The following SLC24A2 variants were observed in gnomAD, a reference collection of about 807,000 sequenced individuals.
SLC24A2 encodes the protein solute carrier family 24 member 2.
A neutral mutation model predicts 62.0 loss-of-function variants in SLC24A2; 36 were observed. The observed-to-expected ratio is 0.58, with a 90% CI of 0.44 to 0.77. The LOEUF is 0.77. SLC24A2 is among the 30% of genes least tolerant of loss of function. SLC24A2 has a pLI of 0.00. For synonymous variants in SLC24A2, 358 were observed against 294.0 expected (o/e 1.22, Z -2.23); for missense variants, 846 against 817.9 (o/e 1.03, Z -0.42).
At chr9:19,784,961 C>A (rs1479932095) in intron 2 of SLC24A2, among the ~76,000 whole-genome samples, 1 of 151,094 alleles carries the variant, frequency 6.6e-6, no homozygotes, top group African/African-American at 2.4e-5. Flanking sequence ...TCACCCCCTG[C>A]TCAAATATCT....
chr9:20,192,872 T>C, the SLC24A2 span, among the ~76,000 whole-genome samples: 4 of 152,174 alleles, frequency 2.6e-5, no homozygotes, highest in Admixed American at 2.0e-4. Context: ...CCTCATTCTA[T>C]CTTCATTTAA....
chr9:19,860,230 T>A, the SLC24A2 span, among the ~76,000 whole-genome samples: 5 of 152,094 alleles, frequency 3.3e-5, no homozygotes, highest in African/African-American at 7.2e-5. Flanking sequence ...TGGGGAGGAC[T>A]TTATTTTACA....
At chr9:20,236,904 T>C in the SLC24A2 span, among the ~76,000 whole-genome samples, 1 of 151,956 alleles carries the variant, frequency 6.6e-6, no homozygotes, top group Admixed American at 6.5e-5. Context: ...TGCCTACTTG[T>C]TTGGTCCTGC....
At chr9:20,209,461 A>T in the SLC24A2 span, among the ~76,000 whole-genome samples, 6 of 152,194 alleles carry the variant, frequency 3.9e-5, no homozygotes, top group African/African-American at 1.4e-4. Flanking sequence ...TCTGAAACAC[A>T]GTGCTAAACA....
the SLC24A2 span, among the ~76,000 whole-genome samples, chr9:20,236,470 G>A: frequency 6.6e-6 from 1 of 152,126 alleles, no homozygotes; most frequent in East Asian, 1.9e-4. Context: ...ATTTGTATTG[G>A]CTAGAAGCTG....
intron 2 of SLC24A2, among the ~76,000 whole-genome samples, chr9:19,702,625 T>G (rs898623114): frequency 6.6e-6 from 1 of 152,214 alleles, no homozygotes; most frequent in Non-Finnish European, 1.5e-5. Flanking sequence ...TGTCTGCGTC[T>G]TGCATTATAG....
the SLC24A2 span, among the ~76,000 whole-genome samples, chr9:19,984,423 A>T: frequency 6.6e-6 from 1 of 152,136 alleles, no homozygotes; most frequent in Non-Finnish European, 1.5e-5. Context: ...AAATAAACCC[A>T]GGCCAGGCAC....
chr9:19,840,539 G>A, the SLC24A2 span, among the ~76,000 whole-genome samples: 1 of 152,028 alleles, frequency 6.6e-6, no homozygotes, highest in Non-Finnish European at 1.5e-5. Context: ...TTTTCTTCTG[G>A]TTTAATGAAC....
the SLC24A2 span, among the ~76,000 whole-genome samples, chr9:19,832,159 C>T: frequency 6.6e-6 from 1 of 152,158 alleles, no homozygotes; most frequent in Non-Finnish European, 1.5e-5. Flanking sequence ...AATCTAATTG[C>T]CTCAGAAAGA....
chr9:19,820,334 G>A, the SLC24A2 span, among the ~76,000 whole-genome samples: 1 of 150,366 alleles, frequency 6.7e-6, no homozygotes, highest in African/African-American at 2.4e-5. Context: ...ATGGTGTAGT[G>A]TATACTGCTC....
chr9:19,988,345 C>T, the SLC24A2 span, among the ~76,000 whole-genome samples: 1 of 152,140 alleles, frequency 6.6e-6, no homozygotes, highest in Non-Finnish European at 1.5e-5. Flanking sequence ...AATATTGATT[C>T]CCTCTAGACC....
chr9:20,195,854 TTTAAC>T, the SLC24A2 span, among the ~76,000 whole-genome samples: 4 of 152,012 alleles, frequency 2.6e-5, no homozygotes, highest in Admixed American at 2.6e-4. Context: ...AAAAAAATTT[TTTAAC>T]TTAATTCATA....
At chr9:19,693,217 C>T (rs1005126727) in intron 2 of SLC24A2, among the ~76,000 whole-genome samples, 1 of 151,970 alleles carries the variant, frequency 6.6e-6, no homozygotes. Context: ...ATAAATCATG[C>T]TGCTATAAAG....
chr9:19,719,514 G>A (rs1353172653), intron 2 of SLC24A2, among the ~76,000 whole-genome samples: 1 of 152,188 alleles, frequency 6.6e-6, no homozygotes, highest in Non-Finnish European at 1.5e-5. Context: ...AGAAATGAGA[G>A]GAACTGGACT....
At chr9:19,831,047 CA>C in the SLC24A2 span, among the ~76,000 whole-genome samples, 2 of 152,124 alleles carry the variant, frequency 1.3e-5, no homozygotes, top group Non-Finnish European at 2.9e-5. Context: ...AAAGGAAAGG[CA>C]AAAGAATGCC....
chr9:19,744,839 C>G (rs551279447), intron 2 of SLC24A2, among the ~76,000 whole-genome samples: 18 of 152,314 alleles, frequency 1.2e-4, no homozygotes, highest in African/African-American at 4.1e-4. Context: ...TCCCAAACAT[C>G]TAAGCCTGTA....
the SLC24A2 span, among the ~76,000 whole-genome samples, chr9:20,078,163 C>A: frequency 3.9e-5 from 6 of 152,244 alleles, no homozygotes; most frequent in African/African-American, 1.4e-4. Context: ...AGCACCAACG[C>A]AGAGAATTCC....
the SLC24A2 span, among the ~76,000 whole-genome samples, chr9:19,886,462 A>G: frequency 6.6e-6 from 1 of 151,604 alleles, no homozygotes; most frequent in Non-Finnish European, 1.5e-5. Flanking sequence ...AAAAAGCTCA[A>G]CACCGCTGAT....
At chr9:19,600,278 C>T (rs1392722677) in intron 4 of SLC24A2, among the ~76,000 whole-genome samples, 4 of 152,180 alleles carry the variant, frequency 2.6e-5, no homozygotes, top group Admixed American at 2.0e-4. Flanking sequence ...GTGGAGCCCA[C>T]GTTACTGAGA....
Sources: gnomAD v4.1 joint callset for allele counts (sites outside exome capture counted in the v4.1 genomes callset) on GRCh38, gnomAD v4.1.1 for gene constraint, MANE v1.5 for transcripts, NCBI Gene and HGNC (gene_info 2026-07-23, HGNC 2026-07-21) for gene names.